The following RBFOX1 variants were observed in gnomAD, a reference collection of about 807,000 sequenced individuals.
RBFOX1 encodes RNA binding fox-1 homolog 1, also known as RNA binding protein fox-1 homolog 1.
In RBFOX1, 8 loss-of-function variants were observed where a neutral mutation model predicts 57.7. The ratio of observed to expected loss-of-function variants is 0.14; its 90% confidence interval spans 0.08 to 0.25. The LOEUF is 0.25. RBFOX1 is among the 10% of genes least tolerant of loss of function. RBFOX1 has a pLI of 1.00. For synonymous variants in RBFOX1, 326 were observed against 222.4 expected, an observed-to-expected ratio of 1.47 and a Z score of -4.15; for missense variants, 611 against 548.5, an observed-to-expected ratio of 1.11 and a Z score of -1.14.
chr16:5,533,144 G>C (rs550846719), intron 2 of RBFOX1, among the ~76,000 whole-genome samples: 1 of 152,250 alleles, frequency 6.6e-6, no homozygotes, highest in South Asian at 2.1e-4. Flanking sequence ...GTGGGAGAAG[G>C]AATCAAAGAA....
chr16:7,043,049 A>C (rs1329306981), intron 3 of RBFOX1, among the ~76,000 whole-genome samples: 1 of 86,936 alleles, frequency 1.2e-5, no homozygotes, highest in South Asian at 3.5e-4. Flanking sequence ...CACCCCCCAC[A>C]ATCTCCCTGA....
intron 1 of RBFOX1, among the ~76,000 whole-genome samples, chr16:6,169,547 C>T (rs889034997): frequency 2.6e-5 from 4 of 152,094 alleles, no homozygotes. Flanking sequence ...AGAGAGACTC[C>T]AGCACAGCCA....
chr16:6,540,611 C>CAAA (rs140566519), intron 2 of RBFOX1, among the ~76,000 whole-genome samples: 3 of 67,668 alleles, frequency 4.4e-5, no homozygotes, highest in African/African-American at 1.7e-4. Context: ...GACTCTGTCT[C>CAAA]AAAAAAAAAA....
intron 1 of RBFOX1, among the ~76,000 whole-genome samples, chr16:6,140,609 G>A (rs1489051123): frequency 7.9e-5 from 12 of 152,112 alleles, no homozygotes; most frequent in Admixed American, 5.2e-4. Flanking sequence ...AATTAAGCCA[G>A]AAAAGATTTG....
At chr16:6,672,141 A>G (rs529745453) in intron 3 of RBFOX1, among the ~76,000 whole-genome samples, 16 of 152,360 alleles carry the variant, frequency 1.1e-4, no homozygotes, top group African/African-American at 3.4e-4. Flanking sequence ...GGCTAAGGTA[A>G]CATTAGCTAG....
At chr16:7,040,788 T>A (rs114936770) in intron 3 of RBFOX1, among the ~76,000 whole-genome samples, 3,492 of 152,340 alleles carry the variant, frequency 0.023, 141 homozygotes, top group African/African-American at 0.079. Flanking sequence ...AAATCATTCA[T>A]TTTCTAATGG....
chr16:6,991,903 A>G (rs1444649949), intron 3 of RBFOX1, among the ~76,000 whole-genome samples: 5 of 152,212 alleles, frequency 3.3e-5, no homozygotes, highest in African/African-American at 4.8e-5. Flanking sequence ...TCAGTTTCTT[A>G]GATCCTACCC....
At chr16:7,287,543 G>A (rs910738180) in intron 4 of RBFOX1, among the ~76,000 whole-genome samples, 2 of 152,220 alleles carry the variant, frequency 1.3e-5, no homozygotes, top group Non-Finnish European at 2.9e-5. Flanking sequence ...TAATAGGCAA[G>A]AAGTGTTTTC....
intron 1 of RBFOX1, among the ~76,000 whole-genome samples, chr16:5,334,297 G>C (rs1317326042): frequency 2.6e-5 from 4 of 152,272 alleles, no homozygotes; most frequent in South Asian, 2.1e-4. Context: ...TGTCATTTGT[G>C]GTTTATGGTC....
chr16:6,998,633 A>C (rs1463912120), intron 3 of RBFOX1, among the ~76,000 whole-genome samples: 3 of 152,136 alleles, frequency 2.0e-5, no homozygotes, highest in Middle Eastern at 3.2e-3. Flanking sequence ...GGTGTCTCCA[A>C]ATTGCAATCC....
At chr16:7,248,465 G>A (rs1487095096) in intron 4 of RBFOX1, among the ~76,000 whole-genome samples, 1 of 152,168 alleles carries the variant, frequency 6.6e-6, no homozygotes, top group African/African-American at 2.4e-5. Context: ...GGATCTGAAT[G>A]AACAGAGACT....
chr16:6,520,108 A>G (rs1005474412), intron 2 of RBFOX1, among the ~76,000 whole-genome samples: 1 of 152,196 alleles, frequency 6.6e-6, no homozygotes, highest in Non-Finnish European at 1.5e-5. Context: ...GAACTGCTTC[A>G]TTCGGAGGTG....
At chr16:7,167,475 G>C (rs951259041) in intron 4 of RBFOX1, among the ~76,000 whole-genome samples, 1 of 152,070 alleles carries the variant, frequency 6.6e-6, no homozygotes, top group Non-Finnish European at 1.5e-5. Context: ...GCAGCCACAA[G>C]CCAAGGATGC....
chr16:7,184,964 A>C (rs2083431838), intron 4 of RBFOX1, among the ~76,000 whole-genome samples: 2 of 152,188 alleles, frequency 1.3e-5, no homozygotes, highest in Non-Finnish European at 2.9e-5. Context: ...TACCTCTCTC[A>C]AGCATTACAG....
chr16:7,667,128 A>G (rs1377830146), intron 13 of RBFOX1, among the ~76,000 whole-genome samples: 1 of 152,144 alleles, frequency 6.6e-6, no homozygotes, highest in African/African-American at 2.4e-5. Flanking sequence ...GAATTTAGAG[A>G]TTTGATTACC....
chr16:6,747,089 C>T (rs904526339), intron 3 of RBFOX1, among the ~76,000 whole-genome samples: 1 of 152,124 alleles, frequency 6.6e-6, no homozygotes, highest in Non-Finnish European at 1.5e-5. Flanking sequence ...GGTCCCTATA[C>T]CATGCCAAAT....
At chr16:6,025,030 T>C (rs1018152694) in intron 1 of RBFOX1, among the ~76,000 whole-genome samples, 1 of 152,228 alleles carries the variant, frequency 6.6e-6, no homozygotes, top group African/African-American at 2.4e-5. Flanking sequence ...TATAGGCCCT[T>C]GTGGCCTGGG....
chr16:6,381,998 A>G (rs2091862831), intron 2 of RBFOX1, among the ~76,000 whole-genome samples: 1 of 152,196 alleles, frequency 6.6e-6, no homozygotes, highest in Admixed American at 6.5e-5. Flanking sequence ...CACAGGAAAT[A>G]TTTCAGGCCT....
intron 3 of RBFOX1, among the ~76,000 whole-genome samples, chr16:6,957,151 A>C (rs2082036195): frequency 2.0e-5 from 1 of 49,998 alleles, no homozygotes; most frequent in African/African-American, 1.0e-4. Flanking sequence ...TTTATTTTTG[A>C]GATGGAGTCT....
Sources: gnomAD v4.1 joint callset for allele counts (sites outside exome capture counted in the v4.1 genomes callset) on GRCh38, gnomAD v4.1.1 for gene constraint, MANE v1.5 for transcripts, NCBI Gene and HGNC (gene_info 2026-07-23, HGNC 2026-07-21) for gene names.